MDFIC2: variants seen among roughly 807,000 people sequenced by gnomAD.
MDFIC2 encodes myoD family inhibitor domain-containing protein 2.
At chr3:70,276,968 A>AT (rs925600735) in intron 2 of MDFIC2, among the ~76,000 whole-genome samples, 37 of 148,896 alleles carry the variant, frequency 2.5e-4, no homozygotes, top group South Asian at 1.1e-3. Context: ...TTTTCACTGG[A>AT]TTTTTTTTTT....
intron 2 of MDFIC2, among the ~76,000 whole-genome samples, chr3:70,208,255 TG>T (rs1701310601): frequency 6.6e-6 from 1 of 152,072 alleles, no homozygotes; most frequent in Non-Finnish European, 1.5e-5. Context: ...ACGCAATGCC[TG>T]GTTGGTTCAA....
At chr3:70,254,461 A>G (rs1701796523) in intron 2 of MDFIC2, among the ~76,000 whole-genome samples, 2 of 152,196 alleles carry the variant, frequency 1.3e-5, no homozygotes, top group South Asian at 4.1e-4. Flanking sequence ...AGGGCGTAAA[A>G]GAAAAATAGA....
intron 2 of MDFIC2, chr3:70,302,834 C>T (rs1219432851): frequency 2.6e-5 from 4 of 152,052 alleles, no homozygotes; most frequent in Admixed American, 6.6e-5. Context: ...ATCTTGTAGG[C>T]CTTTCATTCC....
At chr3:70,306,262 CGTG>C (rs1702399232) in intron 2 of MDFIC2, among the ~76,000 whole-genome samples, 1 of 152,092 alleles carries the variant, frequency 6.6e-6, no homozygotes, top group African/African-American at 2.4e-5. Flanking sequence ...CGCCACCACA[CGTG>C]GCTAGCCCGG....
intron 2 of MDFIC2, among the ~76,000 whole-genome samples, chr3:70,240,223 T>C (rs1256588996): frequency 1.3e-5 from 2 of 152,092 alleles, no homozygotes; most frequent in Admixed American, 1.3e-4. Flanking sequence ...AACAGAGCCA[T>C]CCTGGTGAAC....
chr3:70,243,737 G>A (rs2106643658), intron 2 of MDFIC2, among the ~76,000 whole-genome samples: 1 of 152,196 alleles, frequency 6.6e-6, no homozygotes, highest in Non-Finnish European at 1.5e-5. Context: ...GGGCATCACT[G>A]ATCTAAAGCA....
At chr3:70,272,276 TTGCAA>T (rs1265704877) in intron 2 of MDFIC2, 1 of 149,674 alleles carries the variant, frequency 6.7e-6, no homozygotes, top group African/African-American at 2.5e-5. Context: ...TTACGCTCCT[TTGCAA>T]TCATCACACC....
rs1701167965 is a variant in MDFIC2 at position 70,195,561 on chromosome 3, C to G, written c.*1365G>C. Among the ~76,000 whole-genome samples the G allele has an allele frequency of 6.6e-6, 1 of 152,080 alleles. No individual in the cohort carries two copies. Among genetic ancestry groups the G allele is most frequent in the African/African-American group, 2.4e-5 (1 of 41,410 alleles). On this transcript the variant is annotated 3_prime_UTR_variant, in exon 4 of 4. Coordinates refer to ENST00000567252, the MANE Select transcript of MDFIC2 (RefSeq NM_001364677.1). ...AAATGGTGATTTTGCCTGAAATTACCTAAGTCAGGAAAAAACAGGTATTTT... is the reference window on the plus strand; with the variant it reads ...AAATGGTGATTTTGCCTGAAATTACGTAAGTCAGGAAAAAACAGGTATTTT...
chr3:70,210,125 A>C (rs1701328986), intron 2 of MDFIC2, among the ~76,000 whole-genome samples: 1 of 152,148 alleles, frequency 6.6e-6, no homozygotes, highest in Admixed American at 6.6e-5. Context: ...ACTGGAATGT[A>C]AGAACATGCG....
chr3:70,250,411 T>TCACACACACACA (rs61355248), intron 2 of MDFIC2, among the ~76,000 whole-genome samples: 7 of 124,906 alleles, frequency 5.6e-5, no homozygotes, highest in South Asian at 7.2e-4. Context: ...TTAATGAATC[T>TCACACACACACA]CACACACACA....
chr3:70,292,106 C>T (rs999893447), intron 2 of MDFIC2: 1 of 152,148 alleles, frequency 6.6e-6, no homozygotes, highest in African/African-American at 2.4e-5. Context: ...TTCAGTCTCT[C>T]CTGTTGTACT....
chr3:70,225,549 G>T (rs1230611784), intron 2 of MDFIC2, among the ~76,000 whole-genome samples: 2 of 152,190 alleles, frequency 1.3e-5, no homozygotes, highest in East Asian at 3.9e-4. Context: ...AAGAGTCAGT[G>T]TATACTGTTT....
intron 2 of MDFIC2, chr3:70,292,032 C>G (rs910488704): frequency 7.2e-5 from 11 of 152,298 alleles, no homozygotes; most frequent in Admixed American, 6.5e-4. Flanking sequence ...TAAATAGTCT[C>G]TTCCTTCAAG....
chr3:70,289,848 G>C (rs1256029732), intron 2 of MDFIC2, among the ~76,000 whole-genome samples: 10 of 151,874 alleles, frequency 6.6e-5, no homozygotes, highest in Non-Finnish European at 1.5e-4. Context: ...CCAGTTGATT[G>C]CATCGGCTCC....
intron 3 of MDFIC2, among the ~76,000 whole-genome samples, chr3:70,200,420 C>A (rs1171500273): frequency 1.3e-5 from 2 of 152,190 alleles, no homozygotes; most frequent in African/African-American, 4.8e-5. Flanking sequence ...GCACTCCAGC[C>A]ACACTGACTA....
intron 2 of MDFIC2, among the ~76,000 whole-genome samples, chr3:70,221,092 A>G (rs1248008233): frequency 6.6e-6 from 1 of 152,200 alleles, no homozygotes; most frequent in Non-Finnish European, 1.5e-5. Flanking sequence ...ATATTTTCAG[A>G]TGAGAAATTT....
intron 2 of MDFIC2, among the ~76,000 whole-genome samples, chr3:70,273,363 G>A (rs969556409): frequency 6.6e-6 from 1 of 152,148 alleles, no homozygotes; most frequent in African/African-American, 2.4e-5. Context: ...GTAAAAATGA[G>A]ATGCTAAGAC....
chr3:70,281,422 G>A (rs1298713205), intron 2 of MDFIC2, among the ~76,000 whole-genome samples: 1 of 152,072 alleles, frequency 6.6e-6, no homozygotes, highest in Non-Finnish European at 1.5e-5. Flanking sequence ...CTAGAATTCT[G>A]TCTTTACCAT....
chr3:70,227,161 G>T (rs1360447889), intron 2 of MDFIC2, among the ~76,000 whole-genome samples: 1 of 152,160 alleles, frequency 6.6e-6, no homozygotes, highest in Non-Finnish European at 1.5e-5. Flanking sequence ...ACTACAACAA[G>T]ATCATATTTT....
Sources: allele counts gnomAD v4.1 joint callset (sites outside exome capture counted in the v4.1 genomes callset), GRCh38; gene constraint gnomAD v4.1.1; transcripts MANE v1.5; gene names NCBI Gene and HGNC (gene_info 2026-07-23, HGNC 2026-07-21).